The following CASP5 variants were observed in gnomAD, a reference collection of about 807,000 sequenced individuals.
CASP5 encodes the protein caspase-5.
A neutral mutation model predicts 45.2 loss-of-function variants in CASP5; 42 were observed. The observed-to-expected ratio is 0.93, with a 90% confidence interval of 0.73 to 1.20. The LOEUF (loss-of-function observed/expected upper bound fraction) is 1.20, where lower values mean the gene tolerates loss of function less well. Among genes scored for constraint, CASP5 ranks in the 50% most tolerant of loss-of-function variants. CASP5 has a pLI of 0.00. For synonymous variants in CASP5, 209 were observed against 186.2 expected (o/e 1.12, Z -1.00); for missense variants, 512 against 532.2 (o/e 0.96, Z 0.37).
In CASP5 at chr11:105,002,079, C is replaced by T. The variant is rs766670288; in HGVS notation, c.666G>A (p.Leu222=). The T allele has an allele frequency of 6.2e-7, 1 of 1,614,166 alleles. No homozygotes were observed. The highest frequency in any genetic ancestry group is 8.5e-7 in the Non-Finnish European group (1 of 1,180,030). The change falls in exon 5 of 10, where the codon CTG becomes CTA. Residue 222 remains leucine (L), a synonymous_variant. Coordinates refer to ENST00000260315, the MANE Select transcript of CASP5 (RefSeq NM_004347.5). ...CCACAGTGTAGCCCAGGCCTTGAAG[C>T]AGCCTTTTCATCCCCACGATGTCAT... ...AHYDIVGMKR[L]LQGLGYTVVD...
chr11:105,015,698 A>G (rs1318894516), intron 1 of CASP5, among the ~76,000 whole-genome samples: 1 of 152,038 alleles, frequency 6.6e-6, no homozygotes, highest in Non-Finnish European at 1.5e-5. Flanking sequence ...AGCCATGGCT[A>G]TGAATTTGAC....
At chr11:105,003,089 A>G (rs933953330) in intron 4 of CASP5, among the ~76,000 whole-genome samples, 185 bp downstream of exon 4, 5 of 152,116 alleles carry the variant, frequency 3.3e-5, no homozygotes, top group African/African-American at 9.7e-5. Context: ...AGTGCTAACT[A>G]CTTGGGAGGC....
rs1424004631 is a variant in CASP5 at position 105,007,199 on chromosome 11, G to A, written c.317C>T (p.Thr106Ile). 2 of 1,613,770 alleles carry A rather than the reference G, an allele frequency of 1.2e-6. No homozygotes were observed. The highest frequency in any genetic ancestry group is 1.7e-6 in the Non-Finnish European group (2 of 1,179,796). Residue 106 changes from threonine (T) to isoleucine (I), a missense_variant, in exon 3 of 10, where the codon ACC (threonine) becomes ATC (isoleucine). Coordinates refer to ENST00000260315, the MANE Select transcript of CASP5 (RefSeq NM_004347.5). ...KEEEKKKYYD[T>I]KIEDKALILV... ...GATCAGGGCCTTGTCTTCAATTTTGGTATCATAATATTTTTTCTTTTCCTC... is the reference window on the plus strand; with the variant it reads ...GATCAGGGCCTTGTCTTCAATTTTGATATCATAATATTTTTTCTTTTCCTC...
At chr11:104,994,896 T>C (rs559501976) in intron 9 of CASP5, among the ~76,000 whole-genome samples, 45 of 152,318 alleles carry the variant, frequency 3.0e-4, no homozygotes, top group African/African-American at 1.0e-3. Context: ...GTTGAGCATG[T>C]ATTTTCTACA....
chr11:105,009,068 A>C (rs766528757), intron 1 of CASP5, 88 bp from the exon 2 acceptor site: 2 of 1,127,568 alleles, frequency 1.8e-6, no homozygotes, highest in Non-Finnish European at 2.6e-6. Flanking sequence ...AATGTGAAAC[A>C]CCCTTGAAAA....
At chr11:105,001,538 C>G (rs948006967) in intron 5 of CASP5, among the ~76,000 whole-genome samples, 1 of 152,188 alleles carries the variant, frequency 6.6e-6, no homozygotes, top group Admixed American at 6.5e-5. Flanking sequence ...TGGTGGCACG[C>G]TCCTGTAGCC....
rs755448841 is a variant in CASP5 at position 105,007,037 on chromosome 11, T to A, written c.433+46A>T. On this transcript the variant is annotated intron_variant, in intron 3 of 9. Coordinates refer to ENST00000260315, the MANE Select transcript of CASP5 (RefSeq NM_004347.5). ...ACTGCATGGGCCTTGGAGTTGAATATATTCTGGAAAATTTAACATATTTAT... is the reference window on the plus strand; with the variant it reads ...ACTGCATGGGCCTTGGAGTTGAATAAATTCTGGAAAATTTAACATATTTAT... 2.0e-6 allele frequency: 3 copies of A among 1,535,480 alleles called. No individual in the cohort carries two copies. In the African/African-American group the frequency reaches 4.2e-5, roughly 21 times the overall value.
intron 1 of CASP5, among the ~76,000 whole-genome samples, chr11:105,015,425 G>A (rs1157251078): frequency 6.6e-6 from 1 of 152,118 alleles, no homozygotes; most frequent in African/African-American, 2.4e-5. Context: ...TAATAAAAAC[G>A]AATGGAATAA....
Position 105,015,205 on chromosome 11 carries a change from C to T in CASP5, c.8-6225G>A, listed in dbSNP as rs199998077. On this transcript the variant is annotated intron_variant, in intron 1 of 9. Transcript: ENST00000260315. ...ACCTAGATTCACTCTTCTCAACAGA[C>T]ATTAGACCAAAAGAAAATTTCGTAG... Among the ~76,000 whole-genome samples the T allele has an allele frequency of 1.1e-4, 16 of 152,228 alleles. No individual in the cohort carries two copies. In the East Asian group the frequency reaches 2.7e-3, roughly 26 times the overall value.
rs568597099 is a variant in CASP5, at chr11:105,018,677, G to C, written c.7+4453C>G. 4.8e-5 allele frequency among the ~76,000 whole-genome samples: 7 copies of C among 145,038 alleles called. No individual in the cohort carries two copies. The South Asian group carries it at 9.1e-4, about 19-fold the overall frequency. ...AAGCAAGTCCTGAGTGACCTACAAA[G>C]AGACTTAGACTCCCACACATTAATA... On this transcript the variant is annotated intron_variant, in intron 1 of 9. Coordinates refer to ENST00000260315, the MANE Select transcript of CASP5 (RefSeq NM_004347.5).
At chr11:105,002,876 A>AC (rs1026012392) in intron 4 of CASP5, among the ~76,000 whole-genome samples, 2 of 152,190 alleles carry the variant, frequency 1.3e-5, no homozygotes, top group East Asian at 1.9e-4. Context: ...CACTGTCACC[A>AC]CCCCCTCATC....
At chr11:105,006,256 G>T (rs1300741103) in intron 3 of CASP5, among the ~76,000 whole-genome samples, 1 of 152,186 alleles carries the variant, frequency 6.6e-6, no homozygotes, top group Non-Finnish European at 1.5e-5. Context: ...AAATGAGTAA[G>T]CATTGGAAAA....
chr11:105,003,860 T>C lies in CASP5; in HGVS notation c.434-477A>G, dbSNP rs1038808515. Among the ~76,000 whole-genome samples, 3 of 150,774 alleles carry C rather than the reference T, an allele frequency of 2.0e-5. No homozygotes were observed. The East Asian group carries it at 5.8e-4, about 29-fold the overall frequency. ...CATTTACAAAAGGTAAAAATAATTG[T>C]AATAATATATTTATTTAACATAATA... On this transcript the variant is annotated intron_variant, in intron 3 of 9. Coordinates refer to ENST00000260315, the MANE Select transcript of CASP5 (RefSeq NM_004347.5).
chr11:105,020,953 A>T (rs185240779), intron 1 of CASP5, among the ~76,000 whole-genome samples: 6,364 of 152,232 alleles, frequency 0.042, 186 homozygotes, highest in Non-Finnish European at 0.066. Context: ...ACTGGTACCA[A>T]CACAGAGATA....
rs756481674 is a variant in CASP5 at position 105,003,324 on chromosome 11, G to A, written c.493C>T (p.Leu165Phe). ...ESAESTNILK[L>F]CPREEFLRLC... ...CTCAGGAATTCTTCACGAGGACAAA[G>A]TTTGAGTATATTTGTAGATTCTGCT... is the stretch of plus-strand genomic sequence containing the variant. Residue 165 changes from leucine (L) to phenylalanine (F), a missense_variant, in exon 4 of 10, where the codon CTT becomes TTT. Coordinates refer to ENST00000260315, the MANE Select transcript of CASP5 (RefSeq NM_004347.5). The A allele has an allele frequency of 6.2e-6, 10 of 1,606,668 alleles. No individual in the cohort carries two copies. Among genetic ancestry groups the A allele is most frequent in the Admixed American group, 5.1e-5 (3 of 58,966 alleles).
At chr11:105,008,267 A>G (rs1363157977) in intron 2 of CASP5, among the ~76,000 whole-genome samples, 3 of 152,152 alleles carry the variant, frequency 2.0e-5, no homozygotes, top group East Asian at 1.9e-4. Flanking sequence ...AATGAAGCCA[A>G]TGAAACACTG....
At chr11:105,009,832 T>TATATACAC (rs1862228903) in intron 1 of CASP5, among the ~76,000 whole-genome samples, 1 of 139,332 alleles carries the variant, frequency 7.2e-6, no homozygotes, top group Non-Finnish European at 1.5e-5. Context: ...TATACACATA[T>TATATACAC]ATATATACAC....
At chr11:105,010,467 A>C (rs1248168283) in intron 1 of CASP5, among the ~76,000 whole-genome samples, 1 of 124,336 alleles carries the variant, frequency 8.0e-6, no homozygotes, top group South Asian at 2.6e-4. Context: ...TGATATAATA[A>C]ATCAGTAATT....
chr11:104,995,732 A>G lies in CASP5; in HGVS notation c.*4+8T>C, dbSNP rs1861434433. 6.3e-7 allele frequency: 1 copy of G among 1,575,750 alleles called. No homozygotes were observed. Among genetic ancestry groups the G allele is most frequent in the Admixed American group, 1.7e-5 (1 of 59,498 alleles). Reference sequence around the variant, plus strand: ...TTATTTCACCCTCCAACAACTCTCAATACTTACATTTTCAATTGCCAGGAA... The same window carrying G: ...TTATTTCACCCTCCAACAACTCTCAGTACTTACATTTTCAATTGCCAGGAA... On this transcript the variant is annotated splice_region_variant and intron_variant, in intron 9 of 9. Transcript: ENST00000260315.
Sources: allele counts gnomAD v4.1 joint callset (sites outside exome capture counted in the v4.1 genomes callset), GRCh38; gene constraint gnomAD v4.1.1; transcripts MANE v1.5; gene names NCBI Gene and HGNC (gene_info 2026-07-23, HGNC 2026-07-21).